RBAK: variants seen among roughly 807,000 people sequenced by gnomAD.
The protein encoded by RBAK is RB associated KRAB zinc finger.
Under a neutral mutation model 65.8 loss-of-function variants are expected in RBAK, and 39 were observed. The ratio of observed to expected loss-of-function variants is 0.59; its 90% CI spans 0.46 to 0.77. The LOEUF (loss-of-function observed/expected upper bound fraction) is 0.77. Ranked by LOEUF, RBAK falls within the 30% of genes least tolerant of loss-of-function variation. The probability of loss-of-function intolerance (pLI) is 0.00; values close to 1 mark genes in which losing one functional copy is unlikely to be tolerated. For synonymous variants in RBAK, 343 were observed against 289.7 expected, an observed-to-expected ratio of 1.18 and a Z score of -1.87; for missense variants, 884 against 855.1, an observed-to-expected ratio of 1.03 and a Z score of -0.42.
Position 5,068,097 on chromosome 7 carries a change from G to C in RBAK, c.*2496G>C, listed in dbSNP as rs1779265420. The C allele has an allele frequency of 1.3e-5, 2 of 152,154 alleles. No homozygotes were observed. The highest frequency in any genetic ancestry group is 2.9e-5 in the Non-Finnish European group (2 of 68,030). 9.4% of individuals were successfully genotyped at this position (152,154 alleles called of 1,614,324 possible). A position where few individuals can be genotyped will look rare whatever the true frequency, so the allele number is the denominator to read the frequency against. On this transcript the variant is annotated 3_prime_UTR_variant, in exon 5 of 5. Coordinates refer to ENST00000396912, the MANE Select transcript of RBAK (RefSeq NM_021163.4). ...AAAATGAACAGGAAATCATGGGGAG[G>C]AGAAGATATTTGCAGTTCATGTATG...
At chr7:5,056,771 C>T (rs10281888) in intron 2 of RBAK, among the ~76,000 whole-genome samples, 60,261 of 151,858 alleles carry the variant, frequency 0.4, 12,405 homozygotes, top group African/African-American at 0.49. Flanking sequence ...GGAGCTGAAA[C>T]TAGGTGAGAG....
Position 5,053,423 on chromosome 7 carries a change from C to A in RBAK, c.16-3872C>A, listed in dbSNP as rs7798891. Reference sequence around the variant, plus strand: ...CCCTTATGTTGTAAACTTTTTATCACTAGTTTTGGGTAATTTGATTGCAAT... The same window carrying A: ...CCCTTATGTTGTAAACTTTTTATCAATAGTTTTGGGTAATTTGATTGCAAT... On this transcript the variant is annotated intron_variant, in intron 2 of 4. Coordinates refer to ENST00000396912, the MANE Select transcript of RBAK (RefSeq NM_021163.4). 5.3e-5 allele frequency among the ~76,000 whole-genome samples: 8 copies of A among 151,916 alleles called. No homozygotes were observed. The South Asian group carries it at 1.7e-3, about 32-fold the overall frequency.
At chr7:5,054,994 C>T (rs561261622) in intron 2 of RBAK, among the ~76,000 whole-genome samples, 112 of 151,628 alleles carry the variant, frequency 7.4e-4, no homozygotes, top group African/African-American at 2.6e-3. Context: ...GTTGACCAGG[C>T]TGGTCTTGAA....
chr7:5,061,460 T>C (rs1215890315), intron 4 of RBAK, among the ~76,000 whole-genome samples: 1 of 150,762 alleles, frequency 6.6e-6, no homozygotes. Flanking sequence ...TTTCTTTTTT[T>C]TTTTTTTTTA....
intron 1 of RBAK, among the ~76,000 whole-genome samples, chr7:5,047,821 A>G (rs115928736): frequency 6.6e-6 from 1 of 151,594 alleles, no homozygotes; most frequent in South Asian, 2.1e-4. Context: ...TTGGCCAAGG[A>G]AGGCGGATCA....
At chr7:5,057,455 T>C in intron 3 of RBAK, 34 bp downstream of exon 3, 2 of 1,614,146 alleles carry the variant, frequency 1.2e-6, no homozygotes, top group Non-Finnish European at 1.7e-6. Flanking sequence ...TGCTCTCAGT[T>C]GAATGGGGTT....
chr7:5,063,927 T>C lies in RBAK; in HGVS notation c.471T>C (p.Tyr157=). The change falls in exon 5 of 5, where the codon TAT becomes TAC. Residue 157 remains tyrosine (Y), a synonymous_variant. Coordinates refer to ENST00000396912, the MANE Select transcript of RBAK (RefSeq NM_021163.4). ...ISQLISSDGS[Y]ARTKPDECNE... ...AATTAATTAGTAGTGATGGAAGCTA[T>C]GCTAGGACAAAACCTGATGAGTGTA... The C allele has an allele frequency of 6.2e-7, 1 of 1,614,010 alleles. No individual in the cohort carries two copies. Among genetic ancestry groups the C allele is most frequent in the South Asian group, 1.1e-5 (1 of 91,074 alleles).
chr7:5,047,753 G>A (rs1345551153), intron 1 of RBAK, among the ~76,000 whole-genome samples: 4 of 151,918 alleles, frequency 2.6e-5, no homozygotes, highest in African/African-American at 7.3e-5. Context: ...ACAGGCATGT[G>A]ACACTATGCC....
chr7:5,053,338 A>G (rs779120661), intron 2 of RBAK, among the ~76,000 whole-genome samples: 5 of 152,128 alleles, frequency 3.3e-5, no homozygotes, highest in Non-Finnish European at 5.9e-5. Flanking sequence ...TTTCTAAGAG[A>G]AATCTGATCT....
At chr7:5,063,477 CTG>C (rs71535175) in intron 4 of RBAK, among the ~76,000 whole-genome samples, 7,389 of 147,118 alleles carry the variant, frequency 0.05, 413 homozygotes, top group African/African-American at 0.14. Context: ...AATTCTTTCA[CTG>C]TGTGTGTGTG....
chr7:5,053,642 T>G (rs1404551471), intron 2 of RBAK, among the ~76,000 whole-genome samples: 1 of 152,242 alleles, frequency 6.6e-6, no homozygotes, highest in Non-Finnish European at 1.5e-5. Context: ...CTGTTGCTCT[T>G]TATTTGCTTT....
intron 4 of RBAK, 66 bp from the exon 5 acceptor site, chr7:5,063,629 A>G: frequency 7.7e-7 from 1 of 1,305,070 alleles, no homozygotes; most frequent in Non-Finnish European, 1.0e-6. Context: ...GCTCTTGAAT[A>G]CCAGTACCTT....
At position 5,064,553 on chromosome 7, in the gene RBAK, A is replaced by G. The variant is rs1269086032; in HGVS notation, c.1097A>G (p.Asn366Ser). ...QKTHLTLHQRNHSGERPYPCN... is the reference protein window; with the variant it reads ...QKTHLTLHQRSHSGERPYPCN... ...ACACATCTCACCCTGCACCAGAGGA[A>G]TCATTCAGGAGAGAGGCCCTATCCA... The change falls in exon 5 of 5, where the codon AAT becomes AGT. Residue 366 changes from asparagine (N) to serine (S), a missense_variant. Transcript: ENST00000396912. The surrounding 1 kb of genome is among the most constrained non-coding windows in gnomAD (Gnocchi z 6.3). 1.2e-6 allele frequency: 2 copies of G among 1,613,832 alleles called. No homozygotes were observed. Among genetic ancestry groups the G allele is most frequent in the East Asian group, 2.2e-5 (1 of 44,858 alleles).
At chr7:5,050,482 G>A (rs1232743108) in intron 2 of RBAK, among the ~76,000 whole-genome samples, 4 of 152,186 alleles carry the variant, frequency 2.6e-5, no homozygotes, top group Non-Finnish European at 5.9e-5. Flanking sequence ...AAGAACTATT[G>A]ACTGTTGATT....
Position 5,057,634 on chromosome 7 carries a change from T to C in RBAK, c.143-50T>C, listed in dbSNP as rs751440730. 2.7e-5 allele frequency: 43 copies of C among 1,609,540 alleles called. 1 individual carries two copies. In the Admixed American group the frequency reaches 7.0e-4, roughly 26 times the overall value. ...GTGGCAACATCTTGTACTTCAGAGA[T>C]TCTGAAGCCAAGCAGCTTCCCCAAG... On this transcript the variant is annotated intron_variant, in intron 3 of 4. Transcript: ENST00000396912.
rs1583464996 is a variant in RBAK, at chr7:5,065,863, A to G, written c.*262A>G. 4.0e-6 allele frequency: 1 copy of G among 251,126 alleles called. No homozygotes were observed. The highest frequency in any genetic ancestry group is 7.5e-6 in the Non-Finnish European group (1 of 134,148). 15.6% of individuals were successfully genotyped at this position (251,126 alleles called of 1,614,324 possible). On this transcript the variant is annotated 3_prime_UTR_variant, in exon 5 of 5. Coordinates refer to ENST00000396912, the MANE Select transcript of RBAK (RefSeq NM_021163.4). The surrounding 1 kb of genome is among the most constrained non-coding windows in gnomAD (Gnocchi z 5.3). ...TATAAATATTTAATATTTATTTTGG[A>G]TTCAAATTGTATTTACATATCAGGG...
At chr7:5,063,586 G>T (rs909356837) in intron 4 of RBAK, 109 bp from the exon 5 acceptor site, 29 of 781,472 alleles carry the variant, frequency 3.7e-5, no homozygotes, top group Non-Finnish European at 5.5e-5. Flanking sequence ...TATGGAGATT[G>T]GCTCTAAAGC....
intron 2 of RBAK, among the ~76,000 whole-genome samples, chr7:5,049,944 C>G (rs1424439933): frequency 2.0e-5 from 3 of 152,140 alleles, no homozygotes; most frequent in Non-Finnish European, 4.4e-5. Flanking sequence ...GTCTTGAACT[C>G]CTGAGCTCAG....
At chr7:5,046,583 T>TTCCA (rs1383758866) in intron 1 of RBAK, among the ~76,000 whole-genome samples, 187 bp downstream of exon 1, 1 of 152,112 alleles carries the variant, frequency 6.6e-6, no homozygotes. Flanking sequence ...AGGACGAGGC[T>TTCCA]TATGGGGGCC....
Sources: allele counts gnomAD v4.1 joint callset (sites outside exome capture counted in the v4.1 genomes callset), GRCh38; gene constraint gnomAD v4.1.1; non-coding constraint Gnocchi (gnomAD v3.1); transcripts MANE v1.5; gene names NCBI Gene and HGNC (gene_info 2026-07-23, HGNC 2026-07-21).